The following RNF150 variants were observed in gnomAD, a reference collection of about 807,000 sequenced individuals.
RNF150 encodes the protein ring finger protein 150.
In RNF150, 24 loss-of-function variants were observed where a neutral mutation model predicts 39.3. The ratio of observed to expected loss-of-function variants is 0.61; its 90% CI spans 0.44 to 0.86. The LOEUF (loss-of-function observed/expected upper bound fraction) is 0.86, where lower values mean the gene tolerates loss of function less well. RNF150 is among the 40% of genes least tolerant of loss of function. RNF150 has a pLI of 0.00. For synonymous variants in RNF150, 255 were observed against 227.3 expected, an observed-to-expected ratio of 1.12 and a Z score of -1.10; for missense variants, 502 against 587.8, an observed-to-expected ratio of 0.85 and a Z score of 1.51.
chr4:140,975,302 C>G (rs111900230), intron 1 of RNF150, among the ~76,000 whole-genome samples: 3 of 152,154 alleles, frequency 2.0e-5, no homozygotes, highest in African/African-American at 7.2e-5. Flanking sequence ...GGATTTGAAA[C>G]CTAGCTATAC....
intron 6 of RNF150, among the ~76,000 whole-genome samples, chr4:140,894,458 T>C (rs1030894961): frequency 1.3e-5 from 2 of 152,238 alleles, no homozygotes; most frequent in African/African-American, 2.4e-5. Flanking sequence ...TTTCTTTCTT[T>C]TTAAAGGATC....
chr4:141,203,580 G>C (rs1728324008), intron 1 of RNF150, among the ~76,000 whole-genome samples: 1 of 151,750 alleles, frequency 6.6e-6, no homozygotes, highest in African/African-American at 2.4e-5. Context: ...TACCCCAAAG[G>C]CACCAGGTCT....
At chr4:141,114,925 T>C (rs1252976844) in intron 1 of RNF150, among the ~76,000 whole-genome samples, 1 of 152,192 alleles carries the variant, frequency 6.6e-6, no homozygotes, top group African/African-American at 2.4e-5. Flanking sequence ...ACAAAAGGCT[T>C]TCGATACAAT....
At chr4:141,183,192 C>T (rs934071323) in intron 1 of RNF150, among the ~76,000 whole-genome samples, 2 of 151,694 alleles carry the variant, frequency 1.3e-5, no homozygotes, top group African/African-American at 4.9e-5. Flanking sequence ...AGTTTGTGTA[C>T]TTATCTTCAA....
chr4:140,909,333 T>TA (rs1402538645), intron 6 of RNF150, among the ~76,000 whole-genome samples: 1 of 152,196 alleles, frequency 6.6e-6, no homozygotes, highest in Non-Finnish European at 1.5e-5. Context: ...TGTGGCTAGT[T>TA]AAAATTAGTT....
At chr4:141,049,215 C>A (rs1346706763) in intron 1 of RNF150, among the ~76,000 whole-genome samples, 2 of 150,870 alleles carry the variant, frequency 1.3e-5, no homozygotes, top group African/African-American at 4.9e-5. Context: ...TTAGAAATGG[C>A]AATTGGAAAG....
At chr4:141,063,081 T>C (rs1737301662) in intron 1 of RNF150, among the ~76,000 whole-genome samples, 1 of 152,236 alleles carries the variant, frequency 6.6e-6, no homozygotes, top group Non-Finnish European at 1.5e-5. Flanking sequence ...ATTGTTTAGA[T>C]AGATGAGATT....
chr4:140,923,051 T>C (rs1731225448), intron 5 of RNF150, among the ~76,000 whole-genome samples: 1 of 150,658 alleles, frequency 6.6e-6, no homozygotes, highest in Non-Finnish European at 1.5e-5. Flanking sequence ...ATTCAGGACA[T>C]AGGCATGGGC....
rs902381464 is a variant in RNF150, at chr4:141,151,287, C to T, written c.-6+61507G>A. On this transcript the variant is annotated intron_variant, in intron 1 of 7. Coordinates refer to the RNF150 transcript ENST00000420921. ...TTGTATAAGAGTTGTTAGAATAAACCTAGTTTATGGTTAAATATATTTAAT... is the reference window on the plus strand; with the variant it reads ...TTGTATAAGAGTTGTTAGAATAAACTTAGTTTATGGTTAAATATATTTAAT... Among the ~76,000 whole-genome samples the T allele has an allele frequency of 2.6e-5, 4 of 151,776 alleles. No individual in the cohort carries two copies. The East Asian group carries it at 7.7e-4, about 29-fold the overall frequency.
chr4:141,118,059 C>A (rs1726485079), intron 1 of RNF150, among the ~76,000 whole-genome samples: 2 of 152,198 alleles, frequency 1.3e-5, no homozygotes, highest in South Asian at 4.2e-4. Flanking sequence ...TGGCTGCTGA[C>A]AGCCCCCTCC....
intron 1 of RNF150, among the ~76,000 whole-genome samples, chr4:141,062,865 G>T (rs1024512071): frequency 7.2e-5 from 11 of 152,128 alleles, no homozygotes; most frequent in Non-Finnish European, 1.0e-4. Context: ...AGTGTCCACT[G>T]TTCCCATCCT....
intron 1 of RNF150, among the ~76,000 whole-genome samples, chr4:141,060,797 A>G (rs1464982846): frequency 2.6e-5 from 4 of 152,216 alleles, no homozygotes; most frequent in Non-Finnish European, 4.4e-5. Context: ...ACACCATGGA[A>G]TACTATGCAG....
chr4:140,929,661 C>T (rs1287967844), intron 4 of RNF150, among the ~76,000 whole-genome samples: 5 of 152,020 alleles, frequency 3.3e-5, no homozygotes, highest in South Asian at 4.2e-4. Flanking sequence ...ACACCGTGCC[C>T]GGCCTGGATG....
At chr4:140,892,506 C>T (rs975673830) in intron 6 of RNF150, among the ~76,000 whole-genome samples, 1 of 152,206 alleles carries the variant, frequency 6.6e-6, no homozygotes. Flanking sequence ...CTCTTTATTA[C>T]ATTTGAACTG....
At position 140,861,483 on chromosome 4, in the gene RNF150, T is replaced by C. The variant is rs1455136263; in HGVS notation, c.*6778A>G. 2 of 152,248 alleles carry C rather than the reference T, an allele frequency of 1.3e-5. No homozygotes were observed. The highest frequency in any genetic ancestry group is 2.9e-5 in the Non-Finnish European group (2 of 68,044). 9.4% of individuals were successfully genotyped at this position (152,248 alleles called of 1,614,324 possible). Reference sequence around the variant, plus strand: ...GTATGATGAAAGGCAAGTAACTGGTTGTTGAATTCATGACCCAAGTCAAAT... The same window carrying C: ...GTATGATGAAAGGCAAGTAACTGGTCGTTGAATTCATGACCCAAGTCAAAT... On this transcript the variant is annotated 3_prime_UTR_variant, in exon 7 of 7. Transcript: ENST00000515673.
At chr4:141,008,669 C>T (rs1181438765) in intron 1 of RNF150, among the ~76,000 whole-genome samples, 1 of 152,116 alleles carries the variant, frequency 6.6e-6, no homozygotes, top group Non-Finnish European at 1.5e-5. Flanking sequence ...CATTCTTTCT[C>T]CTCTGTATTG....
chr4:141,093,536 G>A (rs1318754468), intron 1 of RNF150, among the ~76,000 whole-genome samples: 1 of 152,144 alleles, frequency 6.6e-6, no homozygotes, highest in Non-Finnish European at 1.5e-5. Flanking sequence ...TCTCCTTTGG[G>A]TATTCCCCAC....
chr4:140,990,380 T>G (rs1358224377), intron 1 of RNF150, among the ~76,000 whole-genome samples: 1 of 152,232 alleles, frequency 6.6e-6, no homozygotes, highest in African/African-American at 2.4e-5. Flanking sequence ...TAAGTACATA[T>G]GCAGGACCTG....
intron 1 of RNF150, among the ~76,000 whole-genome samples, chr4:141,031,469 T>C (rs1436286791): frequency 6.6e-6 from 1 of 151,822 alleles, no homozygotes; most frequent in East Asian, 1.9e-4. Flanking sequence ...AGACAACCCA[T>C]GGAATGAAAG....
Sources: allele counts gnomAD v4.1 joint callset (sites outside exome capture counted in the v4.1 genomes callset), GRCh38; gene constraint gnomAD v4.1.1; transcripts MANE v1.5; gene names NCBI Gene and HGNC (gene_info 2026-07-23, HGNC 2026-07-21).